Variants in NCOR1 observed in about 807,000 individuals in gnomAD.
NCOR1 encodes protein phosphatase 1, regulatory subunit 109.
In NCOR1, 63 loss-of-function variants were observed where a neutral mutation model predicts 288.1. The observed-to-expected ratio is 0.22, with a 90% confidence interval of 0.18 to 0.27. The LOEUF (loss-of-function observed/expected upper bound fraction) is 0.27, where lower values mean the gene tolerates loss of function less well. Among genes scored for constraint, NCOR1 ranks in the 10% least tolerant of loss-of-function variants. The pLI is 1.00. For missense variants in NCOR1, 2,397 were observed against 3,019.2 expected, an observed-to-expected ratio of 0.79 and a Z score of 4.83; for synonymous variants, 1,007 against 1,065.9, an observed-to-expected ratio of 0.94 and a Z score of 1.08.
intron 23 of NCOR1, among the ~76,000 whole-genome samples, chr17:16,083,047 A>G (rs2063632878): frequency 6.6e-6 from 1 of 152,120 alleles, no homozygotes; most frequent in Non-Finnish European, 1.5e-5. Context: ...CCTGGCCAAC[A>G]TGGTGAAACC....
rs889777645 is a variant in NCOR1, at chr17:16,151,937, A to C, written c.842+9T>G. The C allele has an allele frequency of 1.9e-6, 3 of 1,590,448 alleles. No individual in the cohort carries two copies. The highest frequency in any genetic ancestry group is 2.6e-6 in the Non-Finnish European group (3 of 1,166,490). On this transcript the variant is annotated intron_variant, in intron 8 of 45. Transcript: ENST00000268712. Reference sequence around the variant, plus strand: ...TAATTGAAGAACTCCAAAGATGATCAATACTTACGTCTTGATGTTCTCATG... The same window carrying C: ...TAATTGAAGAACTCCAAAGATGATCCATACTTACGTCTTGATGTTCTCATG...
chr17:16,108,963 A>C, intron 18 of NCOR1, 51 bp from the exon 19 acceptor site: 1 of 1,442,822 alleles, frequency 6.9e-7, no homozygotes, highest in Non-Finnish European at 9.3e-7. Context: ...AAGAAAAAAA[A>C]ATTCATTTCT....
chr17:16,040,372 T>A, intron 43 of NCOR1, 69 bp downstream of exon 43: 2 of 1,262,380 alleles, frequency 1.6e-6, no homozygotes, highest in Non-Finnish European at 1.2e-6. Context: ...TGGTACTCAG[T>A]ACATATTTGT....
intron 18 of NCOR1, among the ~76,000 whole-genome samples, chr17:16,110,021 C>T (rs758352081): frequency 4.6e-5 from 7 of 152,092 alleles, no homozygotes; most frequent in Non-Finnish European, 7.4e-5. Context: ...CGTGAGCCAC[C>T]GCACCCAGCC....
intron 11 of NCOR1, 107 bp downstream of exon 11, chr17:16,143,499 C>A (rs2077432716): frequency 2.5e-6 from 2 of 790,584 alleles, no homozygotes; most frequent in African/African-American, 1.7e-5. Context: ...TAAACTCTAG[C>A]ACTCAATTAA....
chr17:16,202,533 G>C (rs1294225811), intron 1 of NCOR1, among the ~76,000 whole-genome samples: 2 of 152,140 alleles, frequency 1.3e-5, no homozygotes, highest in African/African-American at 2.4e-5. Flanking sequence ...TATTTGGCCT[G>C]AATTAATAGA....
chr17:16,100,180 T>C (rs1342671419), intron 20 of NCOR1, among the ~76,000 whole-genome samples: 1 of 152,172 alleles, frequency 6.6e-6, no homozygotes, highest in African/African-American at 2.4e-5. Context: ...ACTAAAATTA[T>C]AAGTGATTCA....
chr17:16,074,584 A>T (rs1396363715), intron 27 of NCOR1, among the ~76,000 whole-genome samples: 2 of 152,206 alleles, frequency 1.3e-5, no homozygotes, highest in Non-Finnish European at 2.9e-5. Flanking sequence ...AGCATTTTGC[A>T]GCATCTGGCA....
intron 1 of NCOR1, among the ~76,000 whole-genome samples, chr17:16,196,802 G>T (rs1213300803): frequency 6.9e-6 from 1 of 145,688 alleles, no homozygotes; most frequent in Non-Finnish European, 1.5e-5. Flanking sequence ...GCCAGCCTGG[G>T]CAACAGAGCA....
chr17:16,186,767 T>G, intron 2 of NCOR1, 80 bp from the exon 3 acceptor site: 1 of 1,289,802 alleles, frequency 7.8e-7, no homozygotes, highest in Non-Finnish European at 1.1e-6. Flanking sequence ...ATAAAGGTAG[T>G]TATGGGCCAC....
intron 2 of NCOR1, among the ~76,000 whole-genome samples, chr17:16,190,500 ATT>A (rs762563718): frequency 3.6e-5 from 5 of 139,626 alleles, no homozygotes; most frequent in Admixed American, 7.2e-5. Flanking sequence ...ACACCCAGCT[ATT>A]TTTTTTTTTT....
rs1972218243 is a variant in NCOR1 at position 16,032,447 on chromosome 17, C to T, written c.7172G>A (p.Arg2391Gln). Reference protein sequence around the residue: ...TQFPYNPLTMRMLSSTPPTPI... With the variant: ...TQFPYNPLTMQMLSSTPPTPI... The stretch of plus-strand genomic sequence containing the variant: ...TGTTGGTGGAGTACTGCTGAGCATC[C>T]GCATAGTCAGAGGGTTATAAGGAAA... The change falls in exon 46 of 46, where the codon CGG becomes CAG. Residue 2391 changes from arginine to glutamine, a missense_variant. Arg to Gln is a conservative substitution (Grantham distance 43). Around this residue, in one of 11 missense-constraint regions of NCOR1, gnomAD observed 1,872 missense variants for 2,187.8 expected, o/e 0.86. Transcript: ENST00000268712. The T allele has an allele frequency of 5.6e-6, 9 of 1,611,698 alleles. No homozygotes were observed. The highest frequency in any genetic ancestry group is 1.3e-5 in the African/African-American group (1 of 74,784).
At chr17:16,091,755 T>C (rs2065214559) in intron 22 of NCOR1, 108 bp downstream of exon 22, 11 of 1,561,030 alleles carry the variant, frequency 7.0e-6, no homozygotes, top group African/African-American at 1.4e-5. Context: ...ACAAATATAA[T>C]AATCAGTTGG....
chr17:16,113,620 C>T (rs763267711), intron 18 of NCOR1, among the ~76,000 whole-genome samples: 6 of 152,100 alleles, frequency 3.9e-5, no homozygotes, highest in Non-Finnish European at 8.8e-5. Context: ...TGGCCAGGCG[C>T]GGTGGCTCAC....
chr17:16,150,704 GAAAA>G (rs555399256), intron 8 of NCOR1, among the ~76,000 whole-genome samples: 1 of 136,924 alleles, frequency 7.3e-6, no homozygotes, highest in Admixed American at 7.4e-5. Flanking sequence ...GGCTTTGTGG[GAAAA>G]AAAAAAAAAA....
chr17:16,190,400 T>C (rs1332780148), intron 2 of NCOR1, among the ~76,000 whole-genome samples: 2 of 151,918 alleles, frequency 1.3e-5, no homozygotes, highest in East Asian at 3.9e-4. Flanking sequence ...AGCGGCACGA[T>C]CTAGGCTCAC....
chr17:16,070,236 G>C lies in NCOR1; in HGVS notation c.4442C>G (p.Ala1481Gly). The C allele has an allele frequency of 6.2e-7, 1 of 1,613,964 alleles. No individual in the cohort carries two copies. The highest frequency in any genetic ancestry group is 8.5e-7 in the Non-Finnish European group (1 of 1,180,004). Residue 1481 changes from alanine (A) to glycine (G), a missense_variant, in exon 31 of 46, where the codon GCA becomes GGA. Physicochemically the swap from Ala to Gly is moderately conservative, Grantham distance 60 (BLOSUM62 0). Around this residue, in one of 11 missense-constraint regions of NCOR1, gnomAD observed 1,872 missense variants for 2,187.8 expected, o/e 0.86. Transcript: ENST00000268712. ...LSPGIYDDTS[A>G]RRTPVSYQNT... ...TTGATAACTCACAGGGGTCCTCCGTGCACTGGTGTCATCATAAATCCCAGG... is the reference window on the plus strand; with the variant it reads ...TTGATAACTCACAGGGGTCCTCCGTCCACTGGTGTCATCATAAATCCCAGG...
In NCOR1 at chr17:16,061,599, G is replaced by A; in HGVS notation, c.5683C>T (p.His1895Tyr). ...GCCTCAGAATAAACTACTGAAGAAT[G>A]AGGCTGGGGCTTGCCACTTGGAAAG... is the stretch of plus-strand genomic sequence containing the variant. ...SAFPSGKPQP[H>Y]SSVVYSEAGK... Residue 1895 changes from histidine (H) to tyrosine (Y), a missense_variant, in exon 37 of 46, where the codon CAT becomes TAT. His to Tyr is a moderately conservative substitution (Grantham distance 83, BLOSUM62 2). Coordinates refer to ENST00000268712, the MANE Select transcript of NCOR1 (RefSeq NM_006311.4). The A allele has an allele frequency of 1.2e-6, 2 of 1,614,218 alleles. No homozygotes were observed. Among genetic ancestry groups the A allele is most frequent in the Non-Finnish European group, 1.7e-6 (2 of 1,180,046 alleles).
intron 3 of NCOR1, among the ~76,000 whole-genome samples, chr17:16,181,146 G>A (rs934585683): frequency 8.6e-5 from 13 of 151,668 alleles, no homozygotes; most frequent in Admixed American, 7.9e-4. Context: ...GTGACAGAGT[G>A]AGACTCTGTC....
Sources: gnomAD v4.1 joint callset for allele counts (sites outside exome capture counted in the v4.1 genomes callset) on GRCh38, gnomAD v4.1.1 for gene constraint, gnomAD v4.1.1 regional missense constraint, MANE v1.5 for transcripts, NCBI Gene and HGNC (gene_info 2026-07-23, HGNC 2026-07-21) for gene names.